PCCA: variants seen among roughly 807,000 people sequenced by gnomAD.
PCCA encodes the protein propionyl-CoA carboxylase alpha chain, mitochondrial.
Under a neutral mutation model 101.3 loss-of-function variants are expected in PCCA, and 74 were observed. That is an observed-to-expected ratio of 0.73 (90% confidence interval 0.61 to 0.89). The LOEUF is 0.89. Among genes scored for constraint, PCCA ranks in the 40% least tolerant of loss-of-function variants. The pLI is 0.00. For missense variants in PCCA, 891 were observed against 907.0 expected, an observed-to-expected ratio of 0.98 and a Z score of 0.23; for synonymous variants, 294 against 313.6, an observed-to-expected ratio of 0.94 and a Z score of 0.66.
chr13:100,520,961 T>A (rs941946811), intron 22 of PCCA, among the ~76,000 whole-genome samples: 2 of 152,142 alleles, frequency 1.3e-5, no homozygotes, highest in Non-Finnish European at 2.9e-5. Flanking sequence ...ACTATCTTTT[T>A]CTCTTTTAAT....
chr13:100,400,630 C>G (rs78614384), intron 19 of PCCA, among the ~76,000 whole-genome samples: 2 of 90,976 alleles, frequency 2.2e-5, no homozygotes, highest in African/African-American at 1.1e-4. Context: ...CTTTTTAGTT[C>G]TTTTTTTTTT....
intron 8 of PCCA, among the ~76,000 whole-genome samples, chr13:100,241,189 TTTCAGAAGATC>T (rs1297036697): frequency 6.6e-6 from 1 of 152,232 alleles, no homozygotes; most frequent in African/African-American, 2.4e-5. Context: ...CACTATCTAA[TTTCAGAAGATC>T]TTCATTACTC....
At chr13:100,399,222 A>G (rs1567066289) in intron 19 of PCCA, among the ~76,000 whole-genome samples, 1 of 152,190 alleles carries the variant, frequency 6.6e-6, no homozygotes, top group Admixed American at 6.5e-5. Context: ...AATGAAATGC[A>G]TAAGTTTAGC....
At chr13:100,138,301 A>C (rs1049778702) in intron 4 of PCCA, among the ~76,000 whole-genome samples, 4 of 152,098 alleles carry the variant, frequency 2.6e-5, no homozygotes, top group African/African-American at 9.7e-5. Context: ...TATAATATAC[A>C]TACTTAACTT....
chr13:100,495,781 T>C (rs2085231042), intron 21 of PCCA, among the ~76,000 whole-genome samples: 1 of 152,220 alleles, frequency 6.6e-6, no homozygotes, highest in Admixed American at 6.5e-5. Context: ...CACTTATTTT[T>C]TTCCCCATCT....
chr13:100,424,685 A>G (rs1253306363), intron 19 of PCCA, among the ~76,000 whole-genome samples: 1 of 152,148 alleles, frequency 6.6e-6, no homozygotes, highest in Non-Finnish European at 1.5e-5. Flanking sequence ...CCTATCCCCA[A>G]GGGTCCAGCA....
intron 21 of PCCA, among the ~76,000 whole-genome samples, chr13:100,452,639 C>T (rs2081413799): frequency 7.1e-6 from 1 of 141,844 alleles, no homozygotes; most frequent in Non-Finnish European, 1.5e-5. Flanking sequence ...CCCCCTCGCC[C>T]ACTTTATTTA....
chr13:100,428,916 G>A (rs564963030), intron 20 of PCCA, among the ~76,000 whole-genome samples: 101 of 152,290 alleles, frequency 6.6e-4, no homozygotes, highest in African/African-American at 2.3e-3. Context: ...GTAGGGACCC[G>A]TGGAAGAGCT....
At chr13:100,450,214 C>T (rs2081122462) in intron 21 of PCCA, among the ~76,000 whole-genome samples, 2 of 151,404 alleles carry the variant, frequency 1.3e-5, no homozygotes, top group Non-Finnish European at 2.9e-5. Flanking sequence ...GAAACCCTGT[C>T]TCTGCTAAAA....
chr13:100,175,906 A>G (rs7319434), intron 6 of PCCA, among the ~76,000 whole-genome samples: 2,851 of 152,270 alleles, frequency 0.019, 76 homozygotes, highest in African/African-American at 0.065. Flanking sequence ...TTCATGGCAG[A>G]CTTCGTTAAA....
rs386380451 is a variant in PCCA, at chr13:100,370,074, CTTTTTTTTT to C, written c.1746+1517_1746+1525del. Among the ~76,000 whole-genome samples, 598 of 74,690 alleles carry C rather than the reference CTTTTTTTTT, an allele frequency of 8.0e-3. 7 individuals are homozygous for C. The highest frequency in any genetic ancestry group is 0.031 in the African/African-American group (556 of 17,954). 49.0% of individuals were successfully genotyped at this position (74,690 alleles called of 152,430 possible). On this transcript the variant is annotated intron_variant, in intron 19 of 23. Transcript: ENST00000376285. The stretch of plus-strand genomic sequence containing the variant: ...AGATTACTTTTCAGAGCTGTTACTT[CTTTTTTTTT>C]TTTTTTTTTTTTTTTTGAGACAGAG...
At chr13:100,318,406 T>C (rs2067617570) in intron 16 of PCCA, among the ~76,000 whole-genome samples, 1 of 152,106 alleles carries the variant, frequency 6.6e-6, no homozygotes, top group Non-Finnish European at 1.5e-5. Flanking sequence ...TAGGTATTCA[T>C]GTGCCATGTT....
chr13:100,220,163 C>G (rs1425537209), intron 7 of PCCA, among the ~76,000 whole-genome samples: 1 of 152,176 alleles, frequency 6.6e-6, no homozygotes, highest in African/African-American at 2.4e-5. Context: ...TATCCTTCGT[C>G]TGCTAGAACA....
intron 21 of PCCA, among the ~76,000 whole-genome samples, chr13:100,475,013 G>T (rs1429463217): frequency 6.6e-6 from 1 of 151,944 alleles, no homozygotes; most frequent in Non-Finnish European, 1.5e-5. Flanking sequence ...TTCAATATTT[G>T]GGACATATGC....
intron 18 of PCCA, among the ~76,000 whole-genome samples, chr13:100,364,612 A>G (rs2074982425): frequency 1.3e-5 from 2 of 152,248 alleles, no homozygotes; most frequent in South Asian, 4.1e-4. Flanking sequence ...ACTTATGTCA[A>G]GCCAGAAGGA....
chr13:100,206,967 C>G (rs953818447), intron 6 of PCCA, among the ~76,000 whole-genome samples: 2 of 152,212 alleles, frequency 1.3e-5, no homozygotes, highest in Non-Finnish European at 2.9e-5. Context: ...TTCTCCATAA[C>G]TCACCAGTCC....
At chr13:100,345,127 C>CT (rs1318054290) in intron 18 of PCCA, among the ~76,000 whole-genome samples, 2 of 152,148 alleles carry the variant, frequency 1.3e-5, no homozygotes, top group Non-Finnish European at 2.9e-5. Flanking sequence ...GCAGTGGCCT[C>CT]TAAGTGTTCA....
intron 19 of PCCA, among the ~76,000 whole-genome samples, chr13:100,409,717 C>T (rs546621930): frequency 2.5e-4 from 38 of 152,304 alleles, no homozygotes; most frequent in African/African-American, 9.1e-4. Flanking sequence ...GGACAACTGT[C>T]CAAACTATAT....
chr13:100,172,652 A>G (rs564310495), intron 6 of PCCA, among the ~76,000 whole-genome samples: 1 of 152,250 alleles, frequency 6.6e-6, no homozygotes, highest in African/African-American at 2.4e-5. Flanking sequence ...ATAAAATAAG[A>G]GTACAAGCAA....
Sources: allele counts gnomAD v4.1 joint callset (sites outside exome capture counted in the v4.1 genomes callset), GRCh38; gene constraint gnomAD v4.1.1; transcripts MANE v1.5; gene names NCBI Gene and HGNC (gene_info 2026-07-23, HGNC 2026-07-21).